Variants in GALNT11 observed in about 807,000 individuals in gnomAD.
GALNT11 encodes UDP-GalNAc:polypeptide N-acetylgalactosaminyltransferase 11.
Under a neutral mutation model 72.7 loss-of-function variants are expected in GALNT11, and 47 were observed. That is an observed-to-expected ratio of 0.65 (90% CI 0.51 to 0.82). GALNT11 has a LOEUF of 0.82. GALNT11 is among the 40% of genes least tolerant of loss of function. GALNT11 has a pLI of 0.00. For synonymous variants in GALNT11, 270 were observed against 286.6 expected, an observed-to-expected ratio of 0.94 and a Z score of 0.58; for missense variants, 677 against 778.4, an observed-to-expected ratio of 0.87 and a Z score of 1.55.
intron 1 of GALNT11, among the ~76,000 whole-genome samples, chr7:152,036,352 T>C (rs2082578957): frequency 6.6e-6 from 1 of 152,244 alleles, no homozygotes; most frequent in Non-Finnish European, 1.5e-5. Flanking sequence ...TGTCATTCTG[T>C]GTACCTGGCT....
intron 8 of GALNT11, among the ~76,000 whole-genome samples, chr7:152,116,274 A>C (rs1266334613): frequency 2.6e-5 from 4 of 152,164 alleles, no homozygotes; most frequent in Non-Finnish European, 5.9e-5. Flanking sequence ...TTTTTGAATC[A>C]GAGTCTTACT....
At chr7:152,105,543 G>GC (rs1460000913) in intron 5 of GALNT11, among the ~76,000 whole-genome samples, 173 bp downstream of exon 5, 5 of 152,208 alleles carry the variant, frequency 3.3e-5, no homozygotes, top group African/African-American at 1.2e-4. Flanking sequence ...CGCCAAGCCT[G>GC]CCATCCCAAA....
chr7:152,108,112 C>A lies in GALNT11; in HGVS notation c.787C>A (p.Arg263Ser). The change falls in exon 6 of 12, where the codon CGT (arginine) becomes AGT (serine). Residue 263 changes from arginine to serine, a missense_variant. Transcript: ENST00000430044. ...MWLQPLLAAIREDRHTVVCPV... is the reference protein window; with the variant it reads ...MWLQPLLAAISEDRHTVVCPV... ...GCTGCAGCCCTTGCTGGCCGCCATC[C>A]GTGAGGACCGGCACACCGTGGTGTG... is the stretch of plus-strand genomic sequence containing the variant. The A allele has an allele frequency of 6.2e-7, 1 of 1,614,048 alleles. No individual in the cohort carries two copies. Among genetic ancestry groups the A allele is most frequent in the South Asian group, 1.1e-5 (1 of 91,064 alleles).
intron 1 of GALNT11, among the ~76,000 whole-genome samples, chr7:152,078,945 C>T (rs932695329): frequency 1.3e-5 from 2 of 152,188 alleles, no homozygotes; most frequent in East Asian, 3.9e-4. Context: ...CAGAGCCCCT[C>T]ACTGGCACCA....
chr7:152,114,936 TA>T (rs1031630205), intron 8 of GALNT11, among the ~76,000 whole-genome samples: 36 of 152,332 alleles, frequency 2.4e-4, no homozygotes, highest in African/African-American at 8.2e-4. Context: ...AAGTGCACAG[TA>T]ATTTTTCACA....
chr7:152,043,003 G>A (rs1340958250), intron 1 of GALNT11, among the ~76,000 whole-genome samples: 1 of 152,152 alleles, frequency 6.6e-6, no homozygotes, highest in Non-Finnish European at 1.5e-5. Flanking sequence ...TTCACAGGTA[G>A]GATATTTATC....
At chr7:152,121,398 C>T (rs2089423029) in intron 11 of GALNT11, 148 bp from the exon 12 acceptor site, 5 of 812,766 alleles carry the variant, frequency 6.2e-6, no homozygotes, top group South Asian at 1.8e-5. Context: ...TATTGTGCTG[C>T]AGATAACAAA....
At chr7:152,087,285 CT>C (rs1384144052) in intron 1 of GALNT11, among the ~76,000 whole-genome samples, 2 of 151,992 alleles carry the variant, frequency 1.3e-5, no homozygotes, top group Non-Finnish European at 2.9e-5. Context: ...TTGGTAGGGC[CT>C]TATTGAGAAG....
intron 1 of GALNT11, among the ~76,000 whole-genome samples, chr7:152,092,836 A>G (rs959688177): frequency 8.5e-5 from 13 of 152,252 alleles, no homozygotes; most frequent in African/African-American, 1.7e-4. Flanking sequence ...TTTCTCTGCC[A>G]TAAGTCTGTT....
At chr7:152,100,042 G>T (rs2086731997) in intron 2 of GALNT11, among the ~76,000 whole-genome samples, 1 of 147,622 alleles carries the variant, frequency 6.8e-6, no homozygotes, top group Admixed American at 6.9e-5. Context: ...GCCTCCCAAA[G>T]TGCTGGGATC....
intron 1 of GALNT11, among the ~76,000 whole-genome samples, chr7:152,088,543 A>G (rs1157453330): frequency 6.6e-6 from 1 of 150,448 alleles, no homozygotes; most frequent in Non-Finnish European, 1.5e-5. Context: ...GATTTCTGTA[A>G]TCTCTCTGAG....
At chr7:152,041,476 G>A (rs1465784499) in intron 1 of GALNT11, among the ~76,000 whole-genome samples, 2 of 152,164 alleles carry the variant, frequency 1.3e-5, no homozygotes, top group Non-Finnish European at 2.9e-5. Flanking sequence ...TCAGAGTAGT[G>A]ACTTGATCCA....
At chr7:152,066,971 G>T (rs879281254) in intron 1 of GALNT11, among the ~76,000 whole-genome samples, 5 of 152,188 alleles carry the variant, frequency 3.3e-5, no homozygotes, top group Admixed American at 1.3e-4. Flanking sequence ...ATGGGAAAAT[G>T]GTGTTCATAT....
intron 1 of GALNT11, among the ~76,000 whole-genome samples, chr7:152,063,836 A>T (rs1184530653): frequency 2.6e-5 from 4 of 152,190 alleles, no homozygotes; most frequent in Non-Finnish European, 5.9e-5. Flanking sequence ...ACAGTTTCTT[A>T]TAATTTCTGT....
chr7:152,026,615 A>G (rs1313194120), intron 1 of GALNT11, among the ~76,000 whole-genome samples: 1 of 152,244 alleles, frequency 6.6e-6, no homozygotes, highest in Admixed American at 6.5e-5. Context: ...GTATTTATGT[A>G]AAAATGCAGA....
chr7:152,041,592 GC>G (rs2082862295), intron 1 of GALNT11, among the ~76,000 whole-genome samples: 1 of 152,212 alleles, frequency 6.6e-6, no homozygotes, highest in East Asian at 1.9e-4. Flanking sequence ...GGAAAAATTA[GC>G]AAATCTAGAG....
At chr7:152,110,751 G>GA (rs2088093887) in intron 7 of GALNT11, 106 bp downstream of exon 7, 1 of 912,692 alleles carries the variant, frequency 1.1e-6, no homozygotes, top group African/African-American at 1.7e-5. Context: ...TTTTTTTCGA[G>GA]ATAGGGTCTT....
intron 7 of GALNT11, among the ~76,000 whole-genome samples, chr7:152,112,533 G>A (rs2088353035): frequency 6.7e-6 from 1 of 149,624 alleles, no homozygotes; most frequent in Admixed American, 6.7e-5. Context: ...GCGAGACTGT[G>A]TCTCAACAAA....
At chr7:152,086,999 A>T (rs1407557386) in intron 1 of GALNT11, among the ~76,000 whole-genome samples, 2 of 152,198 alleles carry the variant, frequency 1.3e-5, no homozygotes, top group Non-Finnish European at 2.9e-5. Context: ...AGAAATTTGC[A>T]AGCATGTTGC....
Sources: gnomAD v4.1 joint callset for allele counts (sites outside exome capture counted in the v4.1 genomes callset) on GRCh38, gnomAD v4.1.1 for gene constraint, MANE v1.5 for transcripts, NCBI Gene and HGNC (gene_info 2026-07-23, HGNC 2026-07-21) for gene names.